Variants in EPC2 observed in about 807,000 individuals in gnomAD.
EPC2 encodes enhancer of polycomb homolog 2.
Under a neutral mutation model 92.1 loss-of-function variants are expected in EPC2, and 14 were observed. That is an observed-to-expected ratio of 0.15 (90% confidence interval 0.10 to 0.24). The LOEUF is 0.24. EPC2 is among the 10% of genes least tolerant of loss of function. The pLI is 1.00. For missense variants in EPC2, 755 were observed against 971.5 expected, an observed-to-expected ratio of 0.78 and a Z score of 2.96; for synonymous variants, 340 against 334.7, an observed-to-expected ratio of 1.02 and a Z score of -0.17.
At chr2:148,767,895 G>A (rs114065574) in intron 7 of EPC2, among the ~76,000 whole-genome samples, 37 of 152,268 alleles carry the variant, frequency 2.4e-4, no homozygotes, top group Non-Finnish European at 4.9e-4. Context: ...GAATAGGTAC[G>A]TTATTTGCAA....
At chr2:148,729,900 C>T (rs1162731717) in intron 2 of EPC2, among the ~76,000 whole-genome samples, 1 of 152,040 alleles carries the variant, frequency 6.6e-6, no homozygotes, top group Non-Finnish European at 1.5e-5. Context: ...CTAATTTTGG[C>T]CAGTAATATT....
At position 148,687,709 on chromosome 2, in the gene EPC2, A is replaced by G. The variant is rs979817602; in HGVS notation, c.154-2505A>G. ...AACGATGCTGCTTGTGGGAGTCCCA[A>G]TAGCTGCCCTGGCTTACTGTTCACT... is the stretch of plus-strand genomic sequence containing the variant. On this transcript the variant is annotated intron_variant, in intron 1 of 13. Coordinates refer to ENST00000258484, the MANE Select transcript of EPC2 (RefSeq NM_015630.4). Among the ~76,000 whole-genome samples the G allele has an allele frequency of 5.9e-5, 9 of 152,176 alleles. No homozygotes were observed. The East Asian group carries it at 9.6e-4, about 16-fold the overall frequency.
intron 2 of EPC2, among the ~76,000 whole-genome samples, chr2:148,704,073 G>T (rs985473425): frequency 6.6e-6 from 1 of 152,174 alleles, no homozygotes; most frequent in South Asian, 2.1e-4. Context: ...ACAAATGAAG[G>T]TCTCAAAGAG....
chr2:148,663,540 C>T (rs531147202), intron 1 of EPC2, among the ~76,000 whole-genome samples: 1 of 144,732 alleles, frequency 6.9e-6, no homozygotes, highest in Admixed American at 6.9e-5. Context: ...TTATTTAATG[C>T]AAAATTTATA....
intron 2 of EPC2, among the ~76,000 whole-genome samples, chr2:148,693,658 A>T (rs1681684802): frequency 1.3e-5 from 2 of 152,160 alleles, no homozygotes. Context: ...ACAGTCCCAG[A>T]GTGTAGTCTC....
intron 1 of EPC2, among the ~76,000 whole-genome samples, chr2:148,676,993 C>G (rs1681280182): frequency 6.6e-6 from 1 of 152,038 alleles, no homozygotes; most frequent in African/African-American, 2.4e-5. Context: ...TAGTAACCTA[C>G]CAAAGTATAA....
Position 148,778,381 on chromosome 2 carries a change from A to G in EPC2, c.1721-3263A>G, listed in dbSNP as rs146842159. ...ATTCTGAAACAGATTTGTTCACTCT[A>G]TAACTATTACCTCTTCCCGATGTAC... On this transcript the variant is annotated intron_variant, in intron 10 of 13. Coordinates refer to ENST00000258484, the MANE Select transcript of EPC2 (RefSeq NM_015630.4). Among the ~76,000 whole-genome samples the G allele has an allele frequency of 1.0e-3, 158 of 152,294 alleles. 3 individuals carry two copies. The East Asian group carries it at 0.026, about 25-fold the overall frequency.
intron 1 of EPC2, among the ~76,000 whole-genome samples, chr2:148,676,127 G>GT (rs11340588): frequency 0.19 from 27,972 of 146,184 alleles, 3,427 homozygotes; most frequent in East Asian, 0.48. Flanking sequence ...GAATTACTTA[G>GT]TTTTTTTTTT....
intron 2 of EPC2, among the ~76,000 whole-genome samples, chr2:148,738,382 C>CAGTGA (rs1201238091): frequency 6.6e-6 from 1 of 152,170 alleles, no homozygotes; most frequent in Non-Finnish European, 1.5e-5. Flanking sequence ...CAGACACACA[C>CAGTGA]AGTGATTAAC....
At chr2:148,693,530 C>G (rs1681682809) in intron 2 of EPC2, among the ~76,000 whole-genome samples, 1 of 152,222 alleles carries the variant, frequency 6.6e-6, no homozygotes, top group Admixed American at 6.5e-5. Flanking sequence ...TGTTCTTCCA[C>G]TATGACACCA....
At chr2:148,781,158 T>G (rs1481640272) in intron 10 of EPC2, among the ~76,000 whole-genome samples, 5 of 152,354 alleles carry the variant, frequency 3.3e-5, no homozygotes, top group African/African-American at 1.2e-4. Context: ...TGTTCTCTAC[T>G]TTGATTTGTA....
intron 2 of EPC2, among the ~76,000 whole-genome samples, chr2:148,707,904 T>C (rs1327137216): frequency 6.6e-6 from 1 of 152,178 alleles, no homozygotes; most frequent in Non-Finnish European, 1.5e-5. Flanking sequence ...AGGAAAGATC[T>C]AAAATTGACA....
chr2:148,750,908 T>C (rs553967186), intron 3 of EPC2, among the ~76,000 whole-genome samples: 27 of 152,268 alleles, frequency 1.8e-4, no homozygotes, highest in Admixed American at 5.2e-4. Flanking sequence ...TGTTCACTTA[T>C]CAACCCTGAA....
chr2:148,651,244 G>T (rs1173581134), intron 1 of EPC2, among the ~76,000 whole-genome samples: 1 of 152,188 alleles, frequency 6.6e-6, no homozygotes, highest in Non-Finnish European at 1.5e-5. Context: ...ACCAAAGGAA[G>T]GTTCTTCCAT....
intron 10 of EPC2, among the ~76,000 whole-genome samples, chr2:148,773,831 T>G (rs1365862145): frequency 6.6e-6 from 1 of 152,200 alleles, no homozygotes; most frequent in Non-Finnish European, 1.5e-5. Context: ...GATAGGAATT[T>G]CCTCATCTAC....
At chr2:148,646,060 C>T (rs1683792367) in intron 1 of EPC2, among the ~76,000 whole-genome samples, 1 of 152,202 alleles carries the variant, frequency 6.6e-6, no homozygotes, top group Admixed American at 6.5e-5. Context: ...TGGATTTCAT[C>T]TGGCTTGACA....
At chr2:148,667,973 A>C (rs943377121) in intron 1 of EPC2, among the ~76,000 whole-genome samples, 1 of 152,090 alleles carries the variant, frequency 6.6e-6, no homozygotes. Context: ...ATCTCGGCTC[A>C]CCACGACCTC....
At chr2:148,681,344 A>G (rs1681390523) in intron 1 of EPC2, among the ~76,000 whole-genome samples, 2 of 152,072 alleles carry the variant, frequency 1.3e-5, no homozygotes. Flanking sequence ...TAGGAGAAGT[A>G]GGGGATTGTT....
rs191502106 is a variant in EPC2, at chr2:148,661,426, T to C, written c.153+16256T>C. Among the ~76,000 whole-genome samples the C allele has an allele frequency of 4.6e-5, 7 of 152,272 alleles. No homozygotes were observed. The East Asian group carries it at 7.7e-4, about 17-fold the overall frequency. ...GTCCTAGTTTTCTCTGATTCTCTTA[T>C]GTAATTGAGTTAGATACCATATCAC... On this transcript the variant is annotated intron_variant, in intron 1 of 13. Transcript: ENST00000258484.
Sources: gnomAD v4.1 joint callset for allele counts (sites outside exome capture counted in the v4.1 genomes callset) on GRCh38, gnomAD v4.1.1 for gene constraint, MANE v1.5 for transcripts, NCBI Gene and HGNC (gene_info 2026-07-23, HGNC 2026-07-21) for gene names.